The following ADAM11 variants were observed in gnomAD, a reference collection of about 807,000 sequenced individuals.
ADAM11 encodes the protein disintegrin and metalloproteinase domain-containing protein 11.
ADAM11 carries 49 observed loss-of-function variants against 119.1 expected under a neutral mutation model. The observed-to-expected ratio is 0.41, with a 90% CI of 0.33 to 0.52. The LOEUF (loss-of-function observed/expected upper bound fraction) is 0.52, where lower values mean the gene tolerates loss of function less well. ADAM11 is among the 20% of genes least tolerant of loss of function. The pLI, the probability that ADAM11 is intolerant of heterozygous loss-of-function variation, is 0.20. For synonymous variants in ADAM11, 364 were observed against 408.0 expected, an observed-to-expected ratio of 0.89 and a Z score of 1.30; for missense variants, 777 against 1,047.5, an observed-to-expected ratio of 0.74 and a Z score of 3.56.
rs1227747247 is a variant in ADAM11, at chr17:44,772,373, C to A, written c.611-26C>A. On this transcript the variant is annotated intron_variant, in intron 7 of 26. Transcript: ENST00000200557. This position sits in a 1 kb window ranked among gnomAD's most constrained non-coding sequence, Gnocchi z 4.5. ...GGGGGGTGGGGAGGGGCCGGCTGTG[C>A]CCCCCTCACCTGCCCCTCCCCACAG... 1 of 1,578,590 alleles carries A rather than the reference C, an allele frequency of 6.3e-7. No individual in the cohort carries two copies. The highest frequency in any genetic ancestry group is 8.6e-7 in the Non-Finnish European group (1 of 1,161,126).
chr17:44,778,464 G>A (rs2049637935), intron 25 of ADAM11, among the ~76,000 whole-genome samples: 1 of 152,156 alleles, frequency 6.6e-6, no homozygotes, highest in Non-Finnish European at 1.5e-5. Flanking sequence ...GGCCAAGGCA[G>A]GCGGATCACC....
At chr17:44,759,321 G>A (rs914133844) in intron 1 of ADAM11, 61 bp downstream of exon 1, 3 of 1,333,848 alleles carry the variant, frequency 2.2e-6, no homozygotes, top group South Asian at 1.8e-5. Context: ...GATGTGCGGC[G>A]CTTGCTGCTG....
Position 44,777,722 on chromosome 17 carries a change from C to T in ADAM11, c.1929C>T (p.Gly643=). The T allele has an allele frequency of 6.2e-7, 1 of 1,613,972 alleles. No individual in the cohort carries two copies. The highest frequency in any genetic ancestry group is 8.5e-7 in the Non-Finnish European group (1 of 1,179,980). Residue 643 remains glycine, a synonymous_variant, in exon 23 of 27, where the codon GGC becomes GGT. Coordinates refer to ENST00000200557, the MANE Select transcript of ADAM11 (RefSeq NM_002390.6). This position sits in a 1 kb window ranked among gnomAD's most constrained non-coding sequence, Gnocchi z 5.1. ...GAGGCCACGTGCAGCTGGCGGACGG[C>T]TCTGACCTGAGCTATGTGGAGGATG... ...CRGGHVQLAD[G]SDLSYVEDGT...
At position 44,773,139 on chromosome 17, in the gene ADAM11, A is replaced by G; in HGVS notation, c.825+54A>G. Reference sequence around the variant, plus strand: ...TCCTCCTCATGCCCCCCACCCCACCACACACATTAGGGGGCACTGTCAGCC... The same window carrying G: ...TCCTCCTCATGCCCCCCACCCCACCGCACACATTAGGGGGCACTGTCAGCC... On this transcript the variant is annotated intron_variant, in intron 10 of 26. Coordinates refer to ENST00000200557, the MANE Select transcript of ADAM11 (RefSeq NM_002390.6). This position sits in a 1 kb window ranked among gnomAD's most constrained non-coding sequence, Gnocchi z 4.6. The G allele has an allele frequency of 1.6e-6, 2 of 1,235,790 alleles. No homozygotes were observed. Among genetic ancestry groups the G allele is most frequent in the Non-Finnish European group, 2.1e-6 (2 of 934,608 alleles). The allele number at this position is 1,235,790 out of a possible 1,614,324, so 76.6% of individuals were successfully genotyped here. A position where few individuals can be genotyped will look rare whatever the true frequency, so the allele number is the denominator to read the frequency against.
rs2049534309 is a variant in ADAM11, at chr17:44,772,336, A to G, written c.610+3A>G. On this transcript the variant is annotated splice_donor_region_variant and intron_variant, in intron 7 of 26. Coordinates refer to ENST00000200557, the MANE Select transcript of ADAM11 (RefSeq NM_002390.6). This position sits in a 1 kb window ranked among gnomAD's most constrained non-coding sequence, Gnocchi z 4.5. ...TCCCCTCGGATGCAGGGAACCAGGT[A>G]AGGGAGGGAAGGGGGGGTGGGGAGG... is the stretch of plus-strand genomic sequence containing the variant. The G allele has an allele frequency of 8.1e-7, 1 of 1,234,538 alleles. No individual in the cohort carries two copies. The allele number at this position is 1,234,538 out of a possible 1,614,324, so 76.5% of individuals were successfully genotyped here.
At position 44,773,867 on chromosome 17, in the gene ADAM11, G is replaced by A. The variant is rs902917123; in HGVS notation, c.993-428G>A. Among the ~76,000 whole-genome samples, 4 of 152,002 alleles carry A rather than the reference G, an allele frequency of 2.6e-5. No individual in the cohort carries two copies. Among genetic ancestry groups the A allele is most frequent in the Admixed American group, 6.5e-5 (1 of 15,276 alleles). ...TCTCAGCACTTTGGGAGGCCAAGGC[G>A]GGTAGATCATTTCAGGTTACGAGTT... On this transcript the variant is annotated intron_variant, in intron 11 of 26. Transcript: ENST00000200557. This position sits in a 1 kb window ranked among gnomAD's most constrained non-coding sequence, Gnocchi z 4.6.
rs999575310 is a variant in ADAM11, at chr17:44,770,503, C to CCG, written c.381+456_381+457insGC. On this transcript the variant is annotated intron_variant, in intron 4 of 26. Transcript: ENST00000200557. Reference sequence around the variant, plus strand: ...ATAGCCTGTCTCCCCCCCCCCCGCCCCCACTGCCTGTTCAGTAACTGGAGC... The same window carrying CCG: ...ATAGCCTGTCTCCCCCCCCCCCGCCCCGCCACTGCCTGTTCAGTAACTGGAGC... 2.0e-4 allele frequency among the ~76,000 whole-genome samples: 27 copies of CCG among 135,054 alleles called. 1 individual carries two copies. The highest frequency in any genetic ancestry group is 7.5e-4 in the African/African-American group (27 of 35,876). 88.6% of individuals were successfully genotyped at this position (135,054 alleles called of 152,430 possible).
At position 44,773,118 on chromosome 17, in the gene ADAM11, C is replaced by T; in HGVS notation, c.825+33C>T. On this transcript the variant is annotated intron_variant, in intron 10 of 26. Coordinates refer to ENST00000200557, the MANE Select transcript of ADAM11 (RefSeq NM_002390.6). The surrounding 1 kb of genome is among the most constrained non-coding windows in gnomAD (Gnocchi z 4.6). ...GCTCTCCCTCCCTCCCTTCCCTCCTCCTCATGCCCCCCACCCCACCACACA... is the reference window on the plus strand; with the variant it reads ...GCTCTCCCTCCCTCCCTTCCCTCCTTCTCATGCCCCCCACCCCACCACACA... 1 of 1,591,862 alleles carries T rather than the reference C, an allele frequency of 6.3e-7. No individual in the cohort carries two copies. The highest frequency in any genetic ancestry group is 8.6e-7 in the Non-Finnish European group (1 of 1,162,572).
chr17:44,775,564 C>G lies in ADAM11; in HGVS notation c.1393-20C>G, dbSNP rs1389144486. ...GATTAGGGCTCGCCCGCCTCCTTCCCCTCCTCCCGCGTCCCTCAGGAGTGC... is the reference window on the plus strand; with the variant it reads ...GATTAGGGCTCGCCCGCCTCCTTCCGCTCCTCCCGCGTCCCTCAGGAGTGC... On this transcript the variant is annotated intron_variant, in intron 16 of 26. Coordinates refer to ENST00000200557, the MANE Select transcript of ADAM11 (RefSeq NM_002390.6). The surrounding 1 kb of genome is among the most constrained non-coding windows in gnomAD (Gnocchi z 7.5). The G allele has an allele frequency of 6.4e-7, 1 of 1,561,312 alleles. No individual in the cohort carries two copies. Among genetic ancestry groups the G allele is most frequent in the Non-Finnish European group, 8.7e-7 (1 of 1,155,712 alleles).
intron 2 of ADAM11, among the ~76,000 whole-genome samples, chr17:44,766,123 A>T (rs184648106): frequency 6.6e-6 from 1 of 152,212 alleles, no homozygotes; most frequent in East Asian, 1.9e-4. Flanking sequence ...CTGTGTGCTT[A>T]AAGGCCCAGA....
chr17:44,774,752 G>A lies in ADAM11; in HGVS notation c.1220+3G>A. On this transcript the variant is annotated splice_donor_region_variant and intron_variant, in intron 14 of 26. Coordinates refer to ENST00000200557, the MANE Select transcript of ADAM11 (RefSeq NM_002390.6). ...GGCTGCATCATGGAGGACACTGGGT[G>A]AGTTCTTGGGGACAAACCGGGGGAA... 6.3e-7 allele frequency: 1 copy of A among 1,590,988 alleles called. No individual in the cohort carries two copies. The highest frequency in any genetic ancestry group is 8.5e-7 in the Non-Finnish European group (1 of 1,174,018).
At chr17:44,761,450 T>C (rs1349431272) in intron 2 of ADAM11, among the ~76,000 whole-genome samples, 1 of 151,982 alleles carries the variant, frequency 6.6e-6, no homozygotes, top group African/African-American at 2.4e-5. Context: ...AAGGTCAGGA[T>C]GGGTGCAGTT....
In ADAM11 at chr17:44,772,545, G is replaced by A. The variant is rs2049539990; in HGVS notation, c.678+79G>A. The A allele has an allele frequency of 3.3e-6, 5 of 1,492,768 alleles. No individual in the cohort carries two copies. The highest frequency in any genetic ancestry group is 2.5e-5 in the South Asian group (2 of 81,112). 92.5% of individuals were successfully genotyped at this position (1,492,768 alleles called of 1,614,324 possible). A position where few individuals can be genotyped will look rare whatever the true frequency, so the allele number is the denominator to read the frequency against. On this transcript the variant is annotated intron_variant, in intron 8 of 26. Coordinates refer to ENST00000200557, the MANE Select transcript of ADAM11 (RefSeq NM_002390.6). The surrounding 1 kb of genome is among the most constrained non-coding windows in gnomAD (Gnocchi z 4.5). ...CCTCAGGCCGTGGCCCAGAGCAGGA[G>A]GGCACCCTCATCTATGGCTGGGGCG...
chr17:44,770,018 C>G lies in ADAM11; in HGVS notation c.351C>G (p.Phe117Leu). 1 of 1,614,120 alleles carries G rather than the reference C, an allele frequency of 6.2e-7. No individual in the cohort carries two copies. The change falls in exon 4 of 27, where the codon TTC (phenylalanine) becomes TTG (leucine). Residue 117 changes from phenylalanine to leucine, a missense_variant. Transcript: ENST00000200557. ...LLSSQYVERHFSREGTTQHST... is the reference protein window; with the variant it reads ...LLSSQYVERHLSREGTTQHST... ...CCTCGCAATACGTGGAGCGCCACTT[C>G]AGCCGGGAGGGGACAACCCAGCACA...
Position 44,778,049 on chromosome 17 carries a change from A to C in ADAM11, c.2168A>C (p.Glu723Ala), listed in dbSNP as rs2049629777. 1.9e-6 allele frequency: 3 copies of C among 1,613,144 alleles called. No homozygotes were observed. In the African/African-American group the frequency reaches 4.0e-5, roughly 22 times the overall value. Residue 723 changes from glutamate to alanine, a missense_variant, in exon 24 of 27, where the codon GAG becomes GCG. Transcript: ENST00000200557. ...CTGCCCACGTCCCCACCCACGGGGG[A>C]GACGGAGAGATATAAAGGTGAGGCT... ...NPLPTSPPTG[E>A]TERYKGPSGT...
intron 1 of ADAM11, 61 bp downstream of exon 1, chr17:44,759,321 G>C (rs914133844): frequency 5.2e-6 from 7 of 1,333,848 alleles, no homozygotes; most frequent in East Asian, 3.1e-5. Context: ...GATGTGCGGC[G>C]CTTGCTGCTG....
rs1183654168 is a variant in ADAM11, at chr17:44,780,106, GAT to G, written c.*353_*354del. 4.7e-6 allele frequency: 3 copies of G among 632,170 alleles called. No individual in the cohort carries two copies. The African/African-American group carries it at 5.4e-5, about 11-fold the overall frequency. 39.2% of individuals were successfully genotyped at this position (632,170 alleles called of 1,614,324 possible). On this transcript the variant is annotated 3_prime_UTR_variant, in exon 27 of 27. Transcript: ENST00000200557. ...GGCAGCCACCAGTGGACCTAGCCTG[GAT>G]GGCCCCTCCTTGCAACCAGGCAGCT...
intron 1 of ADAM11, 55 bp from the exon 2 acceptor site, chr17:44,759,667 A>T: frequency 7.6e-7 from 1 of 1,311,694 alleles, no homozygotes. Flanking sequence ...CCCCATTCCC[A>T]AGTCTTCTGC....
chr17:44,772,276 C>G lies in ADAM11; in HGVS notation c.553C>G (p.Pro185Ala). The G allele has an allele frequency of 1.2e-6, 2 of 1,608,652 alleles. No individual in the cohort carries two copies. Among genetic ancestry groups the G allele is most frequent in the Non-Finnish European group, 1.7e-6 (2 of 1,177,270 alleles). Residue 185 changes from proline (P) to alanine (A), a missense_variant, in exon 7 of 27, where the codon CCC (proline) becomes GCC (alanine). This residue lies in a region of ADAM11 where 278 missense variants were observed against 310.1 expected (regional missense o/e 0.90). Transcript: ENST00000200557. This position sits in a 1 kb window ranked among gnomAD's most constrained non-coding sequence, Gnocchi z 4.5. The part of the protein sequence containing the change: ...GPWGAPQGPL[P>A]HLIYRTPLLP... ...TTTCCCCTCATTGCAGGGACCCCTT[C>G]CCCACCTCATTTACCGGACCCCTCT...
Sources: allele counts gnomAD v4.1 joint callset (sites outside exome capture counted in the v4.1 genomes callset), GRCh38; gene constraint gnomAD v4.1.1; regional missense constraint gnomAD v4.1.1; non-coding constraint Gnocchi (gnomAD v3.1); transcripts MANE v1.5; gene names NCBI Gene and HGNC (gene_info 2026-07-23, HGNC 2026-07-21).